CACNA2D3: variants seen among roughly 807,000 people sequenced by gnomAD.
CACNA2D3 encodes calcium voltage-gated channel auxiliary subunit alpha2delta 3.
Under a neutral mutation model 160.6 loss-of-function variants are expected in CACNA2D3, and 60 were observed. The observed-to-expected ratio is 0.37, with a 90% CI of 0.30 to 0.46. CACNA2D3 has a LOEUF of 0.46. Among genes scored for constraint, CACNA2D3 ranks in the 20% least tolerant of loss-of-function variants. The pLI, the probability that CACNA2D3 is intolerant of heterozygous loss-of-function variation, is 1.00. For missense variants in CACNA2D3, 1,205 were observed against 1,365.0 expected (o/e 0.88, Z 1.85); for synonymous variants, 558 against 492.9 (o/e 1.13, Z -1.75).
intron 10 of CACNA2D3, among the ~76,000 whole-genome samples, chr3:54,629,430 C>T (rs1372198615): frequency 2.6e-5 from 4 of 152,120 alleles, no homozygotes; most frequent in South Asian, 2.1e-4. Flanking sequence ...CCTGTTGCCA[C>T]GAAGATGACT....
intron 4 of CACNA2D3, among the ~76,000 whole-genome samples, chr3:54,484,862 T>TTG (rs1700991616): frequency 6.7e-6 from 1 of 149,484 alleles, no homozygotes. Context: ...TTTTTTTTTT[T>TTG]GGGGGATGGA....
At chr3:55,003,624 T>A (rs1703029911) in intron 31 of CACNA2D3, among the ~76,000 whole-genome samples, 1 of 152,080 alleles carries the variant, frequency 6.6e-6, no homozygotes. Flanking sequence ...TGAGGGATAA[T>A]AAATGATTTT....
At chr3:54,835,616 C>T (rs952646174) in intron 14 of CACNA2D3, among the ~76,000 whole-genome samples, 1 of 152,178 alleles carries the variant, frequency 6.6e-6, no homozygotes, top group African/African-American at 2.4e-5. Context: ...ATTGAGGGAG[C>T]AATGCCTGAT....
intron 4 of CACNA2D3, among the ~76,000 whole-genome samples, chr3:54,438,936 C>T (rs1700099545): frequency 1.3e-5 from 2 of 152,190 alleles, no homozygotes; most frequent in Admixed American, 1.3e-4. Context: ...AATGAGCAAG[C>T]ATACATTTTG....
chr3:54,288,946 A>G (rs1455181298), intron 2 of CACNA2D3, among the ~76,000 whole-genome samples: 2 of 152,156 alleles, frequency 1.3e-5, no homozygotes, highest in Non-Finnish European at 2.9e-5. Flanking sequence ...ATCTATGACA[A>G]ACCCACAGCC....
intron 35 of CACNA2D3, among the ~76,000 whole-genome samples, chr3:55,044,172 G>C (rs996456324): frequency 1.3e-5 from 2 of 152,094 alleles, no homozygotes; most frequent in Non-Finnish European, 2.9e-5. Flanking sequence ...TTTGAAACTG[G>C]GTTGATTATA....
chr3:54,359,398 A>G (rs1698704517), intron 3 of CACNA2D3, among the ~76,000 whole-genome samples: 1 of 152,194 alleles, frequency 6.6e-6, no homozygotes, highest in Non-Finnish European at 1.5e-5. Flanking sequence ...GTGTTTTGGC[A>G]TAGAGATAGA....
At chr3:54,757,081 C>T (rs181171465) in intron 12 of CACNA2D3, among the ~76,000 whole-genome samples, 5 of 152,228 alleles carry the variant, frequency 3.3e-5, no homozygotes, top group East Asian at 3.9e-4. Context: ...AAAAGAGGGC[C>T]GACTACCGAC....
chr3:54,451,304 C>A (rs1700304878), intron 4 of CACNA2D3, among the ~76,000 whole-genome samples: 1 of 119,844 alleles, frequency 8.3e-6, no homozygotes, highest in African/African-American at 3.3e-5. Flanking sequence ...GGCTGGAGTG[C>A]AGTGGCGCAA....
chr3:55,003,988 T>C (rs1703035806), intron 31 of CACNA2D3, among the ~76,000 whole-genome samples: 1 of 152,180 alleles, frequency 6.6e-6, no homozygotes, highest in Non-Finnish European at 1.5e-5. Flanking sequence ...GCGTAATGGT[T>C]TCTGAGTCCG....
chr3:54,160,188 C>T (rs1277577068), intron 2 of CACNA2D3, among the ~76,000 whole-genome samples: 1 of 152,182 alleles, frequency 6.6e-6, no homozygotes, highest in African/African-American at 2.4e-5. Flanking sequence ...TTCAGATGCT[C>T]CCTAGGTCCA....
intron 2 of CACNA2D3, among the ~76,000 whole-genome samples, chr3:54,280,145 G>C (rs900448032): frequency 6.6e-6 from 1 of 151,862 alleles, no homozygotes; most frequent in Admixed American, 6.6e-5. Context: ...GCAGTGGTGC[G>C]ATCTCTGCTC....
At chr3:54,208,069 G>A (rs1043083723) in intron 2 of CACNA2D3, among the ~76,000 whole-genome samples, 1 of 152,158 alleles carries the variant, frequency 6.6e-6, no homozygotes, top group Non-Finnish European at 1.5e-5. Flanking sequence ...TAGTGAGTGT[G>A]TTCTGGTGCT....
At chr3:54,726,813 G>A (rs1436424009) in intron 11 of CACNA2D3, among the ~76,000 whole-genome samples, 2 of 152,240 alleles carry the variant, frequency 1.3e-5, no homozygotes, top group African/African-American at 2.4e-5. Flanking sequence ...TAAAAATCCT[G>A]TAAGGAAACG....
chr3:54,589,887 T>TA (rs1384491035), intron 9 of CACNA2D3, among the ~76,000 whole-genome samples: 4 of 151,914 alleles, frequency 2.6e-5, no homozygotes, highest in African/African-American at 9.7e-5. Flanking sequence ...GAATAAAAAA[T>TA]AAAAAGAATA....
chr3:54,166,209 G>A (rs1333005927), intron 2 of CACNA2D3, among the ~76,000 whole-genome samples: 1 of 152,196 alleles, frequency 6.6e-6, no homozygotes, highest in African/African-American at 2.4e-5. Context: ...GGTTGGAGAT[G>A]TAACTGCTGG....
intron 2 of CACNA2D3, among the ~76,000 whole-genome samples, chr3:54,141,356 T>A (rs1209432574): frequency 1.3e-5 from 2 of 152,146 alleles, no homozygotes; most frequent in Non-Finnish European, 2.9e-5. Context: ...GAGCTCCCTG[T>A]GTATGTATCA....
intron 2 of CACNA2D3, among the ~76,000 whole-genome samples, chr3:54,247,216 A>G (rs1203951811): frequency 6.6e-6 from 1 of 152,264 alleles, no homozygotes; most frequent in South Asian, 2.1e-4. Flanking sequence ...AGGCTGAGGC[A>G]GGAGAATTGC....
intron 2 of CACNA2D3, among the ~76,000 whole-genome samples, chr3:54,141,368 C>A (rs1415638706): frequency 6.6e-6 from 1 of 152,132 alleles, no homozygotes; most frequent in Non-Finnish European, 1.5e-5. Context: ...TATGTATCAT[C>A]TTTGCCTTGT....
Sources: gnomAD v4.1 joint callset for allele counts (sites outside exome capture counted in the v4.1 genomes callset) on GRCh38, gnomAD v4.1.1 for gene constraint, MANE v1.5 for transcripts, NCBI Gene and HGNC (gene_info 2026-07-23, HGNC 2026-07-21) for gene names.